The following RBBP6 variants were observed in gnomAD, a reference collection of about 807,000 sequenced individuals.
The protein encoded by RBBP6 is E3 ubiquitin-protein ligase RBBP6.
In RBBP6, 25 loss-of-function variants were observed where a neutral mutation model predicts 167.7. The observed-to-expected ratio is 0.15, with a 90% CI of 0.11 to 0.21. The LOEUF (loss-of-function observed/expected upper bound fraction) is 0.21, where lower values mean the gene tolerates loss of function less well. Ranked by LOEUF, RBBP6 falls within the 10% of genes least tolerant of loss-of-function variation. RBBP6 has a pLI of 1.00. For missense variants in RBBP6, 1,868 were observed against 2,134.2 expected, an observed-to-expected ratio of 0.88 and a Z score of 2.46; for synonymous variants, 789 against 735.8, an observed-to-expected ratio of 1.07 and a Z score of -1.17.
chr16:24,569,291 A>G lies in RBBP6; in HGVS notation c.2601A>G (p.Pro867=). 6.2e-7 allele frequency: 1 copy of G among 1,612,126 alleles called. No homozygotes were observed. Among genetic ancestry groups the G allele is most frequent in the Non-Finnish European group, 8.5e-7 (1 of 1,179,560 alleles). ...RENFSPERFL[P]LNIRNSPFTR... is the part of the protein sequence containing the mutation. ...ACTTTTCTCCAGAGAGATTTTTGCC[A>G]CTTAACATCAGGAATTCTCCCTTCA... The change falls in exon 17 of 18, where the codon CCA becomes CCG. Residue 867 remains proline, a synonymous_variant. Coordinates refer to ENST00000319715, the MANE Select transcript of RBBP6 (RefSeq NM_006910.5).
At chr16:24,550,909 T>G (rs1329186003) in intron 3 of RBBP6, among the ~76,000 whole-genome samples, 1 of 151,884 alleles carries the variant, frequency 6.6e-6, no homozygotes, top group Admixed American at 6.6e-5. Context: ...TTAGGAGATT[T>G]AGAGTCACGT....
intron 3 of RBBP6, among the ~76,000 whole-genome samples, chr16:24,550,008 G>T (rs756461986): frequency 6.6e-6 from 1 of 151,902 alleles, no homozygotes; most frequent in East Asian, 1.9e-4. Context: ...CATAACACAG[G>T]TCTATCATAA....
In RBBP6 at chr16:24,559,568, C is replaced by T; in HGVS notation, c.738C>T (p.Ser246=). 1.2e-6 allele frequency: 2 copies of T among 1,606,404 alleles called. No homozygotes were observed. Among genetic ancestry groups the T allele is most frequent in the Non-Finnish European group, 1.7e-6 (2 of 1,175,668 alleles). Residue 246 remains serine (S), a synonymous_variant, in exon 8 of 18, where the codon TCC becomes TCT. Transcript: ENST00000319715. ...TCTTACCAGAGGAGCCATCTTCTTCCTCAGAAGAAGATGATCCTATCCCAG... is the reference window on the plus strand; with the variant it reads ...TCTTACCAGAGGAGCCATCTTCTTCTTCAGAAGAAGATGATCCTATCCCAG... ...PPFLPEEPSS[S]SEEDDPIPDE...
chr16:24,559,057 G>A (rs1433343914), intron 7 of RBBP6, among the ~76,000 whole-genome samples: 1 of 152,018 alleles, frequency 6.6e-6, no homozygotes, highest in East Asian at 1.9e-4. Flanking sequence ...AGAGACTTTT[G>A]GGTTATGGAG....
In RBBP6 at chr16:24,571,534, GA is replaced by G; in HGVS notation, c.4472del (p.Lys1491ArgfsTer4). 1 of 1,613,576 alleles carries G rather than the reference GA, an allele frequency of 6.2e-7. No individual in the cohort carries two copies. Among genetic ancestry groups the G allele is most frequent in the South Asian group, 1.1e-5 (1 of 90,920 alleles). ...GTATTCAAGTTCCAAACGTAGAGAT[GA>G]AAAGAATGAATTAACAAGACGAAAA... ...REYSSSKRRD[E>X]KNELTRRKDS... On this transcript the variant is annotated frameshift_variant, in exon 18 of 18. Transcript: ENST00000319715. LOFTEE classifies it high-confidence loss of function.
chr16:24,547,550 G>A (rs1014741117), intron 2 of RBBP6, among the ~76,000 whole-genome samples: 3 of 152,084 alleles, frequency 2.0e-5, no homozygotes, highest in African/African-American at 7.2e-5. Context: ...GTAGCCTCCG[G>A]GCTCAAGCGA....
At chr16:24,558,934 G>T (rs1375507236) in intron 7 of RBBP6, among the ~76,000 whole-genome samples, 1 of 152,092 alleles carries the variant, frequency 6.6e-6, no homozygotes, top group African/African-American at 2.4e-5. Flanking sequence ...TTAATTATTT[G>T]TGTGGTAATG....
In RBBP6 at chr16:24,571,649, A is replaced by AT. The variant is rs1156917261; in HGVS notation, c.4585dup (p.Ser1529PhefsTer5). On this transcript the variant is annotated frameshift_variant, in exon 18 of 18. Transcript: ENST00000319715. LOFTEE classifies it high-confidence loss of function. ...GATTTGCCTAAAAAAGGAACAGGAG[A>AT]TTCCAAAAAAAGTAATTCTAGTCCC... The AT allele has an allele frequency of 6.2e-7, 1 of 1,613,344 alleles. No homozygotes were observed. The highest frequency in any genetic ancestry group is 1.3e-5 in the African/African-American group (1 of 74,816).
intron 3 of RBBP6, chr16:24,553,231 C>T (rs1898839924): frequency 1.2e-5 from 4 of 320,046 alleles, no homozygotes; most frequent in Admixed American, 1.2e-4. Flanking sequence ...ATATGGGACT[C>T]CTAGTATTCA....
At position 24,570,927 on chromosome 16, in the gene RBBP6, T is replaced by A. The variant is rs1398159296; in HGVS notation, c.3861T>A (p.Asp1287Glu). The A allele has an allele frequency of 1.3e-6, 2 of 1,593,842 alleles. No individual in the cohort carries two copies. Among genetic ancestry groups the A allele is most frequent in the African/African-American group, 2.7e-5 (2 of 74,678 alleles). ...SPVRKSEEKT[D>E]TKRTVIKTME... ...TGCGGAAATCTGAAGAAAAAACAGA[T>A]ACAAAGCGAACTGTGATTAAAACGA... The change falls in exon 18 of 18, where the codon GAT becomes GAA. Residue 1287 changes from aspartate to glutamate, a missense_variant. This residue lies in a region of RBBP6 where 673 missense variants were observed against 691.5 expected (regional missense o/e 0.97). Coordinates refer to ENST00000319715, the MANE Select transcript of RBBP6 (RefSeq NM_006910.5).
chr16:24,555,638 T>C lies in RBBP6; in HGVS notation c.372T>C (p.Asn124=). ...AGACTGCCAATCTGGCTGAAGCCAA[T>C]GCTTCTGAAGAAGATAAAATTAAAG... ...LTKTANLAEA[N]ASEEDKIKAM... Residue 124 remains asparagine, a synonymous_variant, in exon 5 of 18, where the codon AAT becomes AAC. Transcript: ENST00000319715. 6.2e-7 allele frequency: 1 copy of C among 1,612,560 alleles called. No homozygotes were observed. The highest frequency in any genetic ancestry group is 8.5e-7 in the Non-Finnish European group (1 of 1,179,606).
rs1223006946 is a variant in RBBP6 at position 24,540,653 on chromosome 16, C to T, written c.27C>T (p.Ser9=). The T allele has an allele frequency of 1.2e-6, 2 of 1,613,956 alleles. No homozygotes were observed. Among genetic ancestry groups the T allele is most frequent in the East Asian group, 4.5e-5 (2 of 44,876 alleles). Reference sequence around the variant, plus strand: ...TGTCCTGTGTGCATTATAAATTTTCCTCTAAACTCAACTATGATACCGTCA... The same window carrying T: ...TGTCCTGTGTGCATTATAAATTTTCTTCTAAACTCAACTATGATACCGTCA... MSCVHYKF[S]SKLNYDTVTF... is the part of the protein sequence containing the mutation. The change falls in exon 1 of 18, where the codon TCC becomes TCT. Residue 9 remains serine (S), a synonymous_variant. Transcript: ENST00000319715.
intron 2 of RBBP6, among the ~76,000 whole-genome samples, 163 bp downstream of exon 2, chr16:24,546,425 G>T (rs1271015688): frequency 6.6e-6 from 1 of 152,080 alleles, no homozygotes; most frequent in Non-Finnish European, 1.5e-5. Context: ...GTTTGTTTTT[G>T]ATTTCCTCCC....
Position 24,540,697 on chromosome 16 carries a change from T to G in RBBP6, c.71T>G (p.Ile24Ser). 1.9e-6 allele frequency: 3 copies of G among 1,614,074 alleles called. No homozygotes were observed. Among genetic ancestry groups the G allele is most frequent in the Non-Finnish European group, 2.5e-6 (3 of 1,180,016 alleles). Residue 24 changes from isoleucine to serine, a missense_variant, in exon 1 of 18, where the codon ATC (isoleucine) becomes AGC (serine). Coordinates refer to ENST00000319715, the MANE Select transcript of RBBP6 (RefSeq NM_006910.5). ...YDTVTFDGLH[I>S]SLCDLKKQIM... ...ACCGTCACCTTTGATGGGCTCCACA[T>G]CTCCCTCTGCGACTTAAAGAAGCAG...
At chr16:24,550,771 T>C (rs1898777968) in intron 3 of RBBP6, among the ~76,000 whole-genome samples, 1 of 151,792 alleles carries the variant, frequency 6.6e-6, no homozygotes, top group South Asian at 2.1e-4. Flanking sequence ...TTGGCTTTAA[T>C]TTTTAGGTAG....
chr16:24,571,456 A>C lies in RBBP6; in HGVS notation c.4390A>C (p.Asn1464His). ...DKHDSTRASS[N>H]KDFTPNRDKK... ...ACATGATTCCACTCGTGCTTCCTCAAATAAAGACTTCACTCCCAATAGAGA... is the reference window on the plus strand; with the variant it reads ...ACATGATTCCACTCGTGCTTCCTCACATAAAGACTTCACTCCCAATAGAGA... The change falls in exon 18 of 18, where the codon AAT becomes CAT. Residue 1464 changes from asparagine (N) to histidine (H), a missense_variant. This residue lies in a region of RBBP6 where 591 missense variants were observed against 540.5 expected (regional missense o/e 1.09). Transcript: ENST00000319715. 1 of 1,612,944 alleles carries C rather than the reference A, an allele frequency of 6.2e-7. No individual in the cohort carries two copies. Among genetic ancestry groups the C allele is most frequent in the Non-Finnish European group, 8.5e-7 (1 of 1,179,762 alleles).
At chr16:24,556,715 T>G (rs1466229745) in intron 7 of RBBP6, among the ~76,000 whole-genome samples, 1 of 152,220 alleles carries the variant, frequency 6.6e-6, no homozygotes, top group Non-Finnish European at 1.5e-5. Context: ...TTCCCTGCTT[T>G]CTTCCTCATT....
In RBBP6 at chr16:24,555,936, CTA is replaced by C. The variant is rs1406654003; in HGVS notation, c.534+21_534+22del. On this transcript the variant is annotated intron_variant, in intron 6 of 17. Transcript: ENST00000319715. ...AAATGGGGTAAGTTCAAAGCAGAAA[CTA>C]TGGTATATCTTACTTTTTTTCCTTT... 2 of 1,529,124 alleles carry C rather than the reference CTA, an allele frequency of 1.3e-6. No homozygotes were observed. Among genetic ancestry groups the C allele is most frequent in the East Asian group, 2.3e-5 (1 of 44,436 alleles). 94.7% of individuals were successfully genotyped at this position (1,529,124 alleles called of 1,614,324 possible).
rs948358740 is a variant in RBBP6 at position 24,563,206 on chromosome 16, GATA to G, written c.1302_1304del (p.Asn434del). 13 of 1,604,600 alleles carry G rather than the reference GATA, an allele frequency of 8.1e-6. No homozygotes were observed. Among genetic ancestry groups the G allele is most frequent in the Non-Finnish European group, 9.4e-6 (11 of 1,174,902 alleles). ...AATTTATGTTTTTTAAAGGGATTCT[GATA>G]ATAAAATATTGCCAGCTGCAGCTCT... On this transcript the variant is annotated inframe_deletion, in exon 11 of 18. Transcript: ENST00000319715.
Sources: gnomAD v4.1 joint callset for allele counts (sites outside exome capture counted in the v4.1 genomes callset) on GRCh38, gnomAD v4.1.1 for gene constraint, gnomAD v4.1.1 regional missense constraint, MANE v1.5 for transcripts, NCBI Gene and HGNC (gene_info 2026-07-23, HGNC 2026-07-21) for gene names.